PTPRA: variants seen among roughly 807,000 people sequenced by gnomAD.
PTPRA encodes the protein receptor-type tyrosine-protein phosphatase alpha.
In PTPRA, 25 loss-of-function variants were observed where a neutral mutation model predicts 104.8. That is an observed-to-expected ratio of 0.24 (90% CI 0.17 to 0.33). PTPRA has a LOEUF of 0.33. Among genes scored for constraint, PTPRA ranks in the 10% least tolerant of loss-of-function variants. PTPRA has a pLI of 1.00. For missense variants in PTPRA, 765 were observed against 1,015.3 expected, an observed-to-expected ratio of 0.75 and a Z score of 3.35; for synonymous variants, 323 against 368.9, an observed-to-expected ratio of 0.88 and a Z score of 1.43.
chr20:2,866,324 A>C, the PTPRA span: 19 of 1,614,016 alleles, frequency 1.2e-5, no homozygotes, highest in East Asian at 4.2e-4. Flanking sequence ...GGGTGCGTCA[A>C]CTGAGGGCCT....
At chr20:2,865,934 G>A in the PTPRA span, 1 of 509,532 alleles carries the variant, frequency 2.0e-6, no homozygotes, top group Admixed American at 3.3e-5. This position sits in a 1 kb window ranked among gnomAD's most constrained non-coding sequence, Gnocchi z 5.2. Context: ...GCTGGTGGCA[G>A]GAACGCCTGT....
chr20:2,999,234 G>C (rs1186550663), intron 9 of PTPRA, among the ~76,000 whole-genome samples: 2 of 152,258 alleles, frequency 1.3e-5, no homozygotes, highest in East Asian at 1.9e-4. Context: ...TTAGTGAAGA[G>C]ATAGGATCAA....
At chr20:2,956,644 C>T (rs894927105) in intron 3 of PTPRA, among the ~76,000 whole-genome samples, 1 of 147,054 alleles carries the variant, frequency 6.8e-6, no homozygotes, top group African/African-American at 2.6e-5. Flanking sequence ...GAGAGCAAGA[C>T]CCTGTCTCAG....
chr20:2,883,157 C>T (rs949080218), intron 1 of PTPRA, among the ~76,000 whole-genome samples: 5 of 151,718 alleles, frequency 3.3e-5, no homozygotes, highest in African/African-American at 1.2e-4. Context: ...GCTAATTTTG[C>T]AACCAGTAGG....
chr20:2,945,166 C>T (rs1392495096), intron 2 of PTPRA, among the ~76,000 whole-genome samples: 3 of 152,086 alleles, frequency 2.0e-5, no homozygotes, highest in Non-Finnish European at 4.4e-5. Context: ...CCATTAAGAT[C>T]TTTTTTTCAG....
At chr20:3,025,259 C>T (rs1278744913) in intron 17 of PTPRA, among the ~76,000 whole-genome samples, 1 of 151,834 alleles carries the variant, frequency 6.6e-6, no homozygotes, top group Non-Finnish European at 1.5e-5. Context: ...TCCAGACCAG[C>T]CTGGCCAATA....
chr20:2,995,942 T>C (rs1170785284), intron 9 of PTPRA, among the ~76,000 whole-genome samples: 2 of 152,194 alleles, frequency 1.3e-5, no homozygotes, highest in Non-Finnish European at 2.9e-5. Context: ...AAGCAATAAC[T>C]AAAATAGTAG....
chr20:2,926,237 A>G (rs2060289804), intron 2 of PTPRA, among the ~76,000 whole-genome samples: 1 of 152,166 alleles, frequency 6.6e-6, no homozygotes, highest in Admixed American at 6.5e-5. Flanking sequence ...AGACTTCTGT[A>G]ACAAAACTCC....
chr20:3,022,770 G>T lies in PTPRA; in HGVS notation c.1410G>T (p.Val470=), dbSNP rs2064943389. The change falls in exon 16 of 24, where the codon GTG becomes GTT. Residue 470 remains valine, a synonymous_variant. Coordinates refer to ENST00000399903, the MANE Select transcript of PTPRA (RefSeq NM_001385305.1). The surrounding 1 kb of genome is among the most constrained non-coding windows in gnomAD (Gnocchi z 4.6). Reference sequence around the variant, plus strand: ...TGCATACAGAACGGAAGGTGGACGTGTATGGCTTTGTGAGCCGGATCCGGG... The same window carrying T: ...TGCATACAGAACGGAAGGTGGACGTTTATGGCTTTGTGAGCCGGATCCGGG... ...DMMHTERKVD[V]YGFVSRIRAQ... 1.2e-6 allele frequency: 2 copies of T among 1,614,186 alleles called. No individual in the cohort carries two copies. The highest frequency in any genetic ancestry group is 1.7e-6 in the Non-Finnish European group (2 of 1,180,038).
At position 2,964,349 on chromosome 20, in the gene PTPRA, A is replaced by G; in HGVS notation, c.72A>G (p.Thr24=). Residue 24 remains threonine (T), a splice_region_variant and synonymous_variant, in exon 4 of 24, where the codon ACA becomes ACG. Transcript: ENST00000399903. ...LICVSANNAT[T]VAPSVGITRL... is the part of the protein sequence containing the mutation. ...GTGTCAGTGCCAACAATGCTACCAC[A>G]GGTAAATTGTCATTTGATAAGGCTG... 1 of 1,589,128 alleles carries G rather than the reference A, an allele frequency of 6.3e-7. No individual in the cohort carries two copies. The highest frequency in any genetic ancestry group is 8.6e-7 in the Non-Finnish European group (1 of 1,167,908).
In PTPRA at chr20:3,004,040, C is replaced by T. The variant is rs185901643; in HGVS notation, c.739-1016C>T. On this transcript the variant is annotated intron_variant, in intron 9 of 23. Transcript: ENST00000399903. ...ATTTATTTATTATTTATTTTTGAGA[C>T]GGAGTCTCGCTCTGTCGCCTAGGCT... Among the ~76,000 whole-genome samples the T allele has an allele frequency of 3.9e-5, 6 of 152,248 alleles. No homozygotes were observed. In the East Asian group the frequency reaches 5.8e-4, roughly 15 times the overall value.
At chr20:2,949,719 TG>T (rs539583069) in intron 3 of PTPRA, among the ~76,000 whole-genome samples, 272 of 146,328 alleles carry the variant, frequency 1.9e-3, no homozygotes, top group Non-Finnish European at 3.0e-3. Context: ...AATTGCGTAT[TG>T]TTTTTTTTTT....
chr20:3,036,380 T>C (rs1021198356), intron 22 of PTPRA, among the ~76,000 whole-genome samples: 13 of 152,248 alleles, frequency 8.5e-5, no homozygotes, highest in Admixed American at 7.8e-4. Flanking sequence ...AATGCACTCC[T>C]TTACTTAGAA....
At chr20:2,879,421 T>C (rs114968545) in intron 1 of PTPRA, among the ~76,000 whole-genome samples, 2,134 of 152,278 alleles carry the variant, frequency 0.014, 47 homozygotes, top group African/African-American at 0.047. Flanking sequence ...TAGCAAGGCC[T>C]AATTGAGAGC....
At chr20:3,018,970 C>T (rs1283755518) in intron 13 of PTPRA, among the ~76,000 whole-genome samples, 2 of 135,130 alleles carry the variant, frequency 1.5e-5, no homozygotes, top group Non-Finnish European at 3.2e-5. Flanking sequence ...GGCGGCTGGC[C>T]GGGCAGGGGG....
intron 2 of PTPRA, among the ~76,000 whole-genome samples, chr20:2,940,850 G>A (rs1160677675): frequency 6.6e-6 from 1 of 152,142 alleles, no homozygotes; most frequent in Non-Finnish European, 1.5e-5. Flanking sequence ...TTTTCCAGAT[G>A]ATTTGTAAAT....
intron 6 of PTPRA, among the ~76,000 whole-genome samples, chr20:2,981,576 T>C (rs927350201): frequency 6.6e-6 from 1 of 152,222 alleles, no homozygotes. Flanking sequence ...TGAGAAAATA[T>C]ATATGCAGCA....
intron 9 of PTPRA, among the ~76,000 whole-genome samples, chr20:2,996,754 T>G (rs1312105735): frequency 2.0e-5 from 3 of 152,186 alleles, no homozygotes; most frequent in Admixed American, 1.3e-4. Flanking sequence ...AAATACAGAT[T>G]AAAGCTAACC....
intron 1 of PTPRA, among the ~76,000 whole-genome samples, chr20:2,890,998 A>C (rs1321053874): frequency 1.3e-5 from 2 of 152,188 alleles, no homozygotes; most frequent in Non-Finnish European, 2.9e-5. Flanking sequence ...TACCTATAAC[A>C]GTCTCAGAAC....
Sources: gnomAD v4.1 joint callset for allele counts (sites outside exome capture counted in the v4.1 genomes callset) on GRCh38, gnomAD v4.1.1 for gene constraint, Gnocchi (gnomAD v3.1) non-coding constraint, MANE v1.5 for transcripts, NCBI Gene and HGNC (gene_info 2026-07-23, HGNC 2026-07-21) for gene names.